Variants in ZRANB3 observed in about 807,000 individuals in gnomAD.
ZRANB3 encodes zinc finger RANBP2-type containing 3.
A neutral mutation model predicts 133.8 loss-of-function variants in ZRANB3; 125 were observed. The ratio of observed to expected loss-of-function variants is 0.93; its 90% confidence interval spans 0.81 to 1.08. The LOEUF (loss-of-function observed/expected upper bound fraction) is 1.08, where lower values mean the gene tolerates loss of function less well. Ranked by LOEUF, ZRANB3 falls within the 50% of genes least tolerant of loss-of-function variation. The probability of loss-of-function intolerance (pLI) is 0.00; values close to 1 mark genes in which losing one functional copy is unlikely to be tolerated. For synonymous variants in ZRANB3, 387 were observed against 432.7 expected, an observed-to-expected ratio of 0.89 and a Z score of 1.31; for missense variants, 1,229 against 1,275.5, an observed-to-expected ratio of 0.96 and a Z score of 0.56.
chr2:135,456,330 G>A (rs866737924), intron 2 of ZRANB3, among the ~76,000 whole-genome samples: 1 of 152,112 alleles, frequency 6.6e-6, no homozygotes, highest in South Asian at 2.1e-4. Flanking sequence ...CTGGCAAGGG[G>A]GAATAGCAAG....
chr2:135,365,361 A>AT (rs1473469334), intron 3 of ZRANB3, among the ~76,000 whole-genome samples: 11 of 152,210 alleles, frequency 7.2e-5, no homozygotes, highest in Non-Finnish European at 1.5e-4. Flanking sequence ...TCAGAAGTTT[A>AT]ATAAAGGCAC....
At chr2:135,308,565 C>CT (rs869111890) in intron 8 of ZRANB3, among the ~76,000 whole-genome samples, 6 of 151,984 alleles carry the variant, frequency 3.9e-5, no homozygotes, top group Non-Finnish European at 8.8e-5. Flanking sequence ...TTTTTTCTTT[C>CT]TTTTTTATTT....
At chr2:135,233,556 A>AC (rs1695134799) in intron 12 of ZRANB3, among the ~76,000 whole-genome samples, 1 of 152,254 alleles carries the variant, frequency 6.6e-6, no homozygotes, top group Non-Finnish European at 1.5e-5. Flanking sequence ...AGCTCGGGTT[A>AC]CCCACAAAGG....
chr2:135,407,378 G>A (rs377676705), intron 2 of ZRANB3, among the ~76,000 whole-genome samples: 23 of 151,860 alleles, frequency 1.5e-4, no homozygotes, highest in African/African-American at 4.6e-4. Context: ...AATCAATATC[G>A]TGAAAATGGC....
At chr2:135,371,818 G>A (rs551420775) in intron 3 of ZRANB3, among the ~76,000 whole-genome samples, 1 of 152,170 alleles carries the variant, frequency 6.6e-6, no homozygotes, top group African/African-American at 2.4e-5. Context: ...GGAGGTGGAG[G>A]TGGAGGCTTT....
At chr2:135,403,139 C>G (rs1687820370) in intron 2 of ZRANB3, among the ~76,000 whole-genome samples, 1 of 152,108 alleles carries the variant, frequency 6.6e-6, no homozygotes, top group Non-Finnish European at 1.5e-5. Context: ...CCAGCAGGAG[C>G]CGAAGCTGGG....
At chr2:135,414,216 G>A (rs887742459) in intron 2 of ZRANB3, among the ~76,000 whole-genome samples, 1 of 151,984 alleles carries the variant, frequency 6.6e-6, no homozygotes, top group African/African-American at 2.4e-5. Flanking sequence ...CCCATCTCAC[G>A]TGCAGAGACA....
intron 1 of ZRANB3, chr2:135,510,599 T>C (rs574588855): frequency 2.7e-6 from 2 of 744,566 alleles, no homozygotes; most frequent in South Asian, 1.5e-5. Context: ...TTCTGCACCA[T>C]GCCTCCATGA....
At chr2:135,495,055 C>G (rs1309691740) in intron 2 of ZRANB3, among the ~76,000 whole-genome samples, 1 of 152,010 alleles carries the variant, frequency 6.6e-6, no homozygotes, top group African/African-American at 2.4e-5. Flanking sequence ...TACAACATAG[C>G]AGAACTCTGT....
chr2:135,236,277 T>G (rs1200468219), intron 12 of ZRANB3, among the ~76,000 whole-genome samples: 3 of 151,804 alleles, frequency 2.0e-5, no homozygotes, highest in East Asian at 3.9e-4. Flanking sequence ...CACTGCTCAA[T>G]GAAATAAAAG....
At chr2:135,291,635 T>C (rs1476295157) in intron 8 of ZRANB3, among the ~76,000 whole-genome samples, 3 of 152,072 alleles carry the variant, frequency 2.0e-5, no homozygotes, top group Admixed American at 6.6e-5. Flanking sequence ...AGGGTACATG[T>C]GCACAACATA....
intron 2 of ZRANB3, among the ~76,000 whole-genome samples, chr2:135,402,309 T>C (rs1402321172): frequency 6.6e-6 from 1 of 151,266 alleles, no homozygotes. Context: ...TTTTTTTTTT[T>C]TTTGAGACGG....
At chr2:135,340,772 C>CAATTTCACTTCTATAACTTTATCTTAGA (rs1558928847) in intron 6 of ZRANB3, among the ~76,000 whole-genome samples, 6 of 150,878 alleles carry the variant, frequency 4.0e-5, no homozygotes, top group African/African-American at 1.5e-4. Context: ...AGGAGAATTG[C>CAATTTCACTTCTATAACTTTATCTTAGA]TTGAACCTAG....
At chr2:135,296,944 T>C (rs1682150459) in intron 8 of ZRANB3, among the ~76,000 whole-genome samples, 13 of 152,178 alleles carry the variant, frequency 8.5e-5, no homozygotes, top group Admixed American at 8.5e-4. Context: ...GGAAGTTTTG[T>C]CTCAGAGGAG....
At chr2:135,309,750 G>T (rs972016943) in intron 8 of ZRANB3, among the ~76,000 whole-genome samples, 3 of 152,046 alleles carry the variant, frequency 2.0e-5, no homozygotes, top group African/African-American at 7.2e-5. Flanking sequence ...GGGACCAGAA[G>T]ACTAAATATT....
intron 17 of ZRANB3, among the ~76,000 whole-genome samples, chr2:135,210,943 C>T (rs886203753): frequency 3.3e-5 from 5 of 151,876 alleles, no homozygotes; most frequent in African/African-American, 1.2e-4. Context: ...GCAGGAGAAC[C>T]GCTTGAACCA....
chr2:135,425,859 GA>G (rs907866415), intron 2 of ZRANB3, among the ~76,000 whole-genome samples: 2 of 151,298 alleles, frequency 1.3e-5, no homozygotes, highest in African/African-American at 4.9e-5. Context: ...TGAATTGAAG[GA>G]AATTGAGATA....
At chr2:135,288,906 GTGT>G (rs1681538075) in intron 8 of ZRANB3, among the ~76,000 whole-genome samples, 1 of 149,760 alleles carries the variant, frequency 6.7e-6, no homozygotes, top group Non-Finnish European at 1.5e-5. Flanking sequence ...GTGTGTGTGT[GTGT>G]TGTTTCAATT....
chr2:135,325,907 C>T (rs1010275420), intron 6 of ZRANB3, among the ~76,000 whole-genome samples: 7 of 152,198 alleles, frequency 4.6e-5, no homozygotes, highest in Non-Finnish European at 4.4e-5. Context: ...CATGGAAATA[C>T]AGAGGACAAA....
Sources: allele counts gnomAD v4.1 joint callset (sites outside exome capture counted in the v4.1 genomes callset), GRCh38; gene constraint gnomAD v4.1.1; transcripts MANE v1.5; gene names NCBI Gene and HGNC (gene_info 2026-07-23, HGNC 2026-07-21).